Variants in HYDIN observed in about 807,000 individuals in gnomAD.
HYDIN encodes the protein HYDIN axonemal central pair apparatus protein.
Under a neutral mutation model 403.9 loss-of-function variants are expected in HYDIN, and 132 were observed. That is an observed-to-expected ratio of 0.33 (90% confidence interval 0.28 to 0.38). HYDIN has a LOEUF of 0.38. HYDIN is among the 10% of genes least tolerant of loss of function. HYDIN has a pLI of 1.00. For missense variants in HYDIN, 2,827 were observed against 5,009.5 expected, an observed-to-expected ratio of 0.56 and a Z score of 13.15; for synonymous variants, 1,202 against 1,891.7, an observed-to-expected ratio of 0.64 and a Z score of 9.46.
At chr16:70,839,345 C>T (rs1272444572) in intron 76 of HYDIN, among the ~76,000 whole-genome samples, 1 of 145,448 alleles carries the variant, frequency 6.9e-6, no homozygotes, top group Non-Finnish European at 1.5e-5. Context: ...GAACTTAGAT[C>T]TGTGCTAGCC....
chr16:70,885,413 C>A (rs1399595689), intron 58 of HYDIN, among the ~76,000 whole-genome samples: 1 of 147,580 alleles, frequency 6.8e-6, no homozygotes, highest in Non-Finnish European at 1.5e-5. Context: ...CCCAGATAAA[C>A]CATCCTGACA....
intron 1 of HYDIN, among the ~76,000 whole-genome samples, chr16:71,218,677 G>C (rs2089022905): frequency 6.6e-6 from 1 of 152,090 alleles, no homozygotes; most frequent in Admixed American, 6.5e-5. Flanking sequence ...TCATGATTTG[G>C]CAACTGACAA....
At chr16:70,943,700 C>G in intron 42 of HYDIN, 112 bp downstream of exon 42, 1 of 1,420,478 alleles carries the variant, frequency 7.0e-7, no homozygotes, top group East Asian at 2.5e-5. Context: ...CGACTGCCTT[C>G]CGGGCTGCCG....
intron 1 of HYDIN, among the ~76,000 whole-genome samples, chr16:71,210,826 T>A (rs1841872657): frequency 6.6e-6 from 1 of 152,138 alleles, no homozygotes; most frequent in Admixed American, 6.5e-5. Context: ...AATGCAACTG[T>A]ATTGATTTCA....
intron 8 of HYDIN, among the ~76,000 whole-genome samples, chr16:71,135,458 A>G (rs1232880773): frequency 2.0e-5 from 3 of 147,284 alleles, no homozygotes; most frequent in African/African-American, 5.1e-5. Context: ...CATGGCATCA[A>G]TCACATATTA....
At chr16:71,098,230 C>G (rs1298914451) in intron 10 of HYDIN, among the ~76,000 whole-genome samples, 2 of 138,810 alleles carry the variant, frequency 1.4e-5, no homozygotes, top group Admixed American at 7.9e-5. Flanking sequence ...GAGATGGAGT[C>G]TCGCTCTGTC....
intron 13 of HYDIN, among the ~76,000 whole-genome samples, chr16:71,071,336 G>A (rs572760162): frequency 1.3e-5 from 2 of 151,894 alleles, no homozygotes; most frequent in Non-Finnish European, 2.9e-5. Context: ...AGGGGATGCT[G>A]ATTTGTTAAA....
chr16:70,999,826 C>A (rs1439812113), intron 23 of HYDIN, among the ~76,000 whole-genome samples: 1 of 151,982 alleles, frequency 6.6e-6, no homozygotes, highest in Non-Finnish European at 1.5e-5. Flanking sequence ...AGTAACTTTG[C>A]AGAAACAGTT....
At chr16:70,961,768 C>G (rs1774270) in intron 38 of HYDIN, among the ~76,000 whole-genome samples, 191 bp downstream of exon 38, 1 of 152,084 alleles carries the variant, frequency 6.6e-6, no homozygotes, top group Non-Finnish European at 1.5e-5. Flanking sequence ...AAGCTCATCA[C>G]CCAACTCTCA....
chr16:70,943,680 G>A lies in HYDIN; in HGVS notation c.6669+132C>T, dbSNP rs1309642938. ...AGGGGTCGACAAGAGCTGTCAAAAAGACAAGCAAACGACTGCCTTCCGGGC... is the reference window on the plus strand; with the variant it reads ...AGGGGTCGACAAGAGCTGTCAAAAAAACAAGCAAACGACTGCCTTCCGGGC... On this transcript the variant is annotated intron_variant, in intron 42 of 85. Transcript: ENST00000393567. 5 of 1,296,752 alleles carry A rather than the reference G, an allele frequency of 3.9e-6. No homozygotes were observed. In the African/African-American group the frequency reaches 5.9e-5, roughly 15 times the overall value. 80.3% of individuals were successfully genotyped at this position (1,296,752 alleles called of 1,614,324 possible).
At chr16:71,222,339 A>C (rs1230432707) in intron 1 of HYDIN, among the ~76,000 whole-genome samples, 1 of 152,184 alleles carries the variant, frequency 6.6e-6, no homozygotes, top group Admixed American at 6.5e-5. Flanking sequence ...CTTACCTCAA[A>C]ATAATAAAAG....
intron 23 of HYDIN, among the ~76,000 whole-genome samples, chr16:71,013,011 C>T (rs1350874587): frequency 6.8e-6 from 1 of 148,044 alleles, no homozygotes; most frequent in African/African-American, 2.5e-5. Context: ...CCAAGAAACA[C>T]CCTTTGAGGA....
At chr16:71,183,480 C>A (rs1054554524) in intron 3 of HYDIN, among the ~76,000 whole-genome samples, 1 of 152,062 alleles carries the variant, frequency 6.6e-6, no homozygotes, top group African/African-American at 2.4e-5. Flanking sequence ...TATCCTAATA[C>A]TGAACTTTAA....
intron 1 of HYDIN, among the ~76,000 whole-genome samples, chr16:71,189,533 C>T (rs556352727): frequency 6.6e-6 from 1 of 151,950 alleles, no homozygotes; most frequent in African/African-American, 2.4e-5. Context: ...TTTGGGAGGC[C>T]GAGGCAGGCG....
chr16:71,216,816 C>G (rs1201010473), intron 1 of HYDIN, among the ~76,000 whole-genome samples: 2 of 152,170 alleles, frequency 1.3e-5, no homozygotes, highest in Non-Finnish European at 2.9e-5. Flanking sequence ...TCCTGGACAT[C>G]GGTATTTTCA....
chr16:71,107,767 T>C (rs1163890721), intron 10 of HYDIN, among the ~76,000 whole-genome samples: 2 of 152,110 alleles, frequency 1.3e-5, no homozygotes, highest in East Asian at 1.9e-4. Context: ...GTGTGGTGAT[T>C]CTTCAAAAAA....
At chr16:71,069,888 C>T (rs1211627859) in intron 13 of HYDIN, among the ~76,000 whole-genome samples, 4 of 152,174 alleles carry the variant, frequency 2.6e-5, no homozygotes, top group Admixed American at 1.3e-4. Context: ...CAAAAATATA[C>T]ATTTTTACAT....
At chr16:70,944,553 C>T (rs1380732614) in intron 41 of HYDIN, among the ~76,000 whole-genome samples, 1 of 151,954 alleles carries the variant, frequency 6.6e-6, no homozygotes, top group Non-Finnish European at 1.5e-5. Context: ...CGGGGAATCT[C>T]GGGGGCACAT....
chr16:70,802,591 C>A lies in HYDIN; in HGVS notation c.*4989G>T, dbSNP rs2034930004. On this transcript the variant is annotated 3_prime_UTR_variant, in exon 86 of 86. Coordinates refer to ENST00000393567, the MANE Select transcript of HYDIN (RefSeq NM_001270974.2). ...GTTGAGCCTCCTGATGAGGATGCAG[C>A]TGGCCAGCACCTTGATTTCAGCCTT... 6.6e-6 allele frequency: 1 copy of A among 152,184 alleles called. No homozygotes were observed. The highest frequency in any genetic ancestry group is 1.5e-5 in the Non-Finnish European group (1 of 68,022). The allele number at this position is 152,184 out of a possible 1,614,324, so 9.4% of individuals were successfully genotyped here.
Sources: gnomAD v4.1 joint callset for allele counts (sites outside exome capture counted in the v4.1 genomes callset) on GRCh38, gnomAD v4.1.1 for gene constraint, MANE v1.5 for transcripts, NCBI Gene and HGNC (gene_info 2026-07-23, HGNC 2026-07-21) for gene names.